The following TRIM62 variants were observed in gnomAD, a reference collection of about 807,000 sequenced individuals.
The protein encoded by TRIM62 is E3 ubiquitin-protein ligase TRIM62.
TRIM62 carries 39 observed loss-of-function variants against 44.2 expected under a neutral mutation model. The ratio of observed to expected loss-of-function variants is 0.88; its 90% CI spans 0.68 to 1.15. The LOEUF (loss-of-function observed/expected upper bound fraction) is 1.15. Ranked by LOEUF, TRIM62 falls within the 50% of genes most tolerant of loss-of-function variation. The probability of loss-of-function intolerance (pLI) is 0.00; values close to 1 mark genes in which losing one functional copy is unlikely to be tolerated. For synonymous variants in TRIM62, 278 were observed against 292.3 expected (o/e 0.95, Z 0.50); for missense variants, 544 against 665.5 (o/e 0.82, Z 2.01).
At position 33,159,566 on chromosome 1, in the gene TRIM62, T is replaced by C. The variant is rs1285661142; in HGVS notation, c.761+122A>G. The C allele has an allele frequency of 5.1e-6, 7 of 1,368,046 alleles. No individual in the cohort carries two copies. Among genetic ancestry groups the C allele is most frequent in the Non-Finnish European group, 6.8e-6 (7 of 1,031,832 alleles). 84.7% of individuals were successfully genotyped at this position (1,368,046 alleles called of 1,614,324 possible). A position where few individuals can be genotyped will look rare whatever the true frequency, so the allele number is the denominator to read the frequency against. On this transcript the variant is annotated intron_variant, in intron 3 of 4. Coordinates refer to ENST00000291416, the MANE Select transcript of TRIM62 (RefSeq NM_018207.3). This position sits in a 1 kb window ranked among gnomAD's most constrained non-coding sequence, Gnocchi z 4.2. ...CCCATAGCAGATGTCCCGTAAATGT[T>C]TGATGAAGATTTGAATGAAAGAATT...
chr1:33,150,290 A>G (rs1489288487), intron 4 of TRIM62, among the ~76,000 whole-genome samples: 1 of 151,890 alleles, frequency 6.6e-6, no homozygotes, highest in Non-Finnish European at 1.5e-5. Flanking sequence ...TGGCTGGAGC[A>G]TTCTCCCTAC....
chr1:33,156,632 C>T (rs1645182890), intron 4 of TRIM62, among the ~76,000 whole-genome samples: 1 of 152,160 alleles, frequency 6.6e-6, no homozygotes, highest in Non-Finnish European at 1.5e-5. Context: ...TTTCTATCCG[C>T]CCCCACTTCC....
intron 1 of TRIM62, among the ~76,000 whole-genome samples, chr1:33,180,170 C>T (rs1645449850): frequency 6.6e-6 from 1 of 152,128 alleles, no homozygotes; most frequent in Non-Finnish European, 1.5e-5. Flanking sequence ...TACCGTTTCA[C>T]TTAGTCTTCA....
chr1:33,181,326 G>A lies in TRIM62; in HGVS notation c.107C>T (p.Thr36Met). 6.4e-7 allele frequency: 1 copy of A among 1,574,798 alleles called. No homozygotes were observed. Among genetic ancestry groups the A allele is most frequent in the African/African-American group, 1.3e-5 (1 of 74,480 alleles). ...CGCCTCCTGCCGCACCCAGTGCTCC[G>A]TGATGCAGCGGCGGCAGAAGTAATG... The part of the protein sequence containing the change: ...CEHYFCRRCI[T>M]EHWVRQEAQG... The change falls in exon 1 of 5, where the codon ACG becomes ATG. Residue 36 changes from threonine to methionine, a missense_variant. Transcript: ENST00000291416. The surrounding 1 kb of genome is among the most constrained non-coding windows in gnomAD (Gnocchi z 6.5).
intron 1 of TRIM62, among the ~76,000 whole-genome samples, chr1:33,170,305 C>T (rs893609245): frequency 5.5e-5 from 7 of 127,920 alleles, no homozygotes; most frequent in Non-Finnish European, 1.1e-4. Context: ...GCCTGGGTGA[C>T]ACAGCCCAGT....
intron 1 of TRIM62, chr1:33,166,399 TG>T (rs1557758932): frequency 6.6e-6 from 1 of 151,998 alleles, no homozygotes; most frequent in Non-Finnish European, 1.5e-5. Context: ...CTAAAAAGGT[TG>T]GGGACCACTG....
intron 4 of TRIM62, among the ~76,000 whole-genome samples, chr1:33,152,580 A>G (rs1274498552): frequency 2.0e-5 from 3 of 152,068 alleles, no homozygotes; most frequent in Non-Finnish European, 4.4e-5. Flanking sequence ...AAAGAAAAAA[A>G]AAAAAAAAAA....
Position 33,155,408 on chromosome 1 carries a change from T to C in TRIM62, c.877+2845A>G, listed in dbSNP as rs115019057. 9.4e-3 allele frequency among the ~76,000 whole-genome samples: 1,436 copies of C among 152,076 alleles called. 22 individuals carry two copies. Among genetic ancestry groups the C allele is most frequent in the African/African-American group, 0.033 (1,361 of 41,480 alleles). Reference sequence around the variant, plus strand: ...TGAACGTGCCTTGAGGGACTTTTGATGTTTGTGGAACAGAAGAATGAATCC... The same window carrying C: ...TGAACGTGCCTTGAGGGACTTTTGACGTTTGTGGAACAGAAGAATGAATCC... On this transcript the variant is annotated intron_variant, in intron 4 of 4. Coordinates refer to ENST00000291416, the MANE Select transcript of TRIM62 (RefSeq NM_018207.3).
At chr1:33,160,012 G>A in intron 2 of TRIM62, 68 bp from the exon 3 acceptor site, 1 of 1,561,780 alleles carries the variant, frequency 6.4e-7, no homozygotes, top group Non-Finnish European at 8.7e-7. Flanking sequence ...GTGAGAGGAG[G>A]AAATCGAGAG....
rs2047438 is a variant in TRIM62, at chr1:33,177,076, C to T, written c.408+3949G>A. On this transcript the variant is annotated intron_variant, in intron 1 of 4. Coordinates refer to ENST00000291416, the MANE Select transcript of TRIM62 (RefSeq NM_018207.3). This position sits in a 1 kb window ranked among gnomAD's most constrained non-coding sequence, Gnocchi z 4.1. ...GCACACACACACACATGCACACACA[C>T]ACATGCATGCACAAATGCACACACA... is the stretch of plus-strand genomic sequence containing the variant. Among the ~76,000 whole-genome samples the T allele has an allele frequency of 7.9e-6, 1 of 125,816 alleles. No homozygotes were observed. Among genetic ancestry groups the T allele is most frequent in the Non-Finnish European group, 1.7e-5 (1 of 58,654 alleles). The allele number at this position is 125,816 out of a possible 152,430, so 82.5% of individuals were successfully genotyped here.
intron 4 of TRIM62, among the ~76,000 whole-genome samples, chr1:33,157,552 C>T: frequency 6.7e-6 from 1 of 149,598 alleles, no homozygotes; most frequent in East Asian, 1.9e-4. Flanking sequence ...TGTCTACTTT[C>T]TATCTCACAC....
intron 4 of TRIM62, among the ~76,000 whole-genome samples, chr1:33,153,324 GGCA>G (rs1444839568): frequency 6.6e-6 from 1 of 152,238 alleles, no homozygotes; most frequent in African/African-American, 2.4e-5. Flanking sequence ...CTCTGCTCTG[GGCA>G]GGATGTTGGA....
At position 33,146,346 on chromosome 1, in the gene TRIM62, C is replaced by T. The variant is rs1645021414; in HGVS notation, c.*831G>A. The T allele has an allele frequency of 5.9e-6, 1 of 168,794 alleles. No individual in the cohort carries two copies. The highest frequency in any genetic ancestry group is 2.4e-5 in the African/African-American group (1 of 41,704). The allele number at this position is 168,794 out of a possible 1,614,324, so 10.5% of individuals were successfully genotyped here. A position where few individuals can be genotyped will look rare whatever the true frequency, so the allele number is the denominator to read the frequency against. ...AATTACAACAACTGCTTCTGGAAGCCTCCTGCACCCTAGCAGGTCACAGAG... is the reference window on the plus strand; with the variant it reads ...AATTACAACAACTGCTTCTGGAAGCTTCCTGCACCCTAGCAGGTCACAGAG... On this transcript the variant is annotated 3_prime_UTR_variant, in exon 5 of 5. Coordinates refer to ENST00000291416, the MANE Select transcript of TRIM62 (RefSeq NM_018207.3).
intron 4 of TRIM62, among the ~76,000 whole-genome samples, chr1:33,151,215 GC>G (rs1645092763): frequency 6.6e-6 from 1 of 152,140 alleles, no homozygotes; most frequent in Admixed American, 6.5e-5. Flanking sequence ...GTGAATGCCA[GC>G]CCTGGCGAGC....
chr1:33,166,602 G>T (rs1012040119), intron 1 of TRIM62, among the ~76,000 whole-genome samples: 7 of 152,150 alleles, frequency 4.6e-5, no homozygotes, highest in Admixed American at 2.0e-4. Flanking sequence ...GAGAGGTCAA[G>T]AAACTGGCCC....
At chr1:33,169,619 A>G (rs1264428215) in intron 1 of TRIM62, among the ~76,000 whole-genome samples, 1 of 152,166 alleles carries the variant, frequency 6.6e-6, no homozygotes, top group African/African-American at 2.4e-5. Flanking sequence ...TCAAGGCTCT[A>G]CTGCTGGCCC....
chr1:33,170,746 G>C (rs937655838), intron 1 of TRIM62, among the ~76,000 whole-genome samples: 1 of 152,140 alleles, frequency 6.6e-6, no homozygotes, highest in Non-Finnish European at 1.5e-5. Context: ...CTCCTTCCTT[G>C]GTTAGAAGAC....
chr1:33,165,368 A>C lies in TRIM62; in HGVS notation c.504+103T>G. ...TTTGGCTCCTTGAAGCCAGGTTTCC[A>C]CCGCACACCCGAGGCCCCGCCCCTC... is the stretch of plus-strand genomic sequence containing the variant. On this transcript the variant is annotated intron_variant, in intron 2 of 4. Coordinates refer to ENST00000291416, the MANE Select transcript of TRIM62 (RefSeq NM_018207.3). This position sits in a 1 kb window ranked among gnomAD's most constrained non-coding sequence, Gnocchi z 4.0. The C allele has an allele frequency of 9.0e-7, 1 of 1,113,780 alleles. No homozygotes were observed. The highest frequency in any genetic ancestry group is 1.3e-6 in the Non-Finnish European group (1 of 795,630). 69.0% of individuals were successfully genotyped at this position (1,113,780 alleles called of 1,614,324 possible).
intron 1 of TRIM62, among the ~76,000 whole-genome samples, chr1:33,170,910 C>T (rs1007443470): frequency 6.6e-6 from 1 of 152,190 alleles, no homozygotes; most frequent in African/African-American, 2.4e-5. Flanking sequence ...TCACAGGGCA[C>T]AGAGCCTGGC....
Sources: allele counts gnomAD v4.1 joint callset (sites outside exome capture counted in the v4.1 genomes callset), GRCh38; gene constraint gnomAD v4.1.1; non-coding constraint Gnocchi (gnomAD v3.1); transcripts MANE v1.5; gene names NCBI Gene and HGNC (gene_info 2026-07-23, HGNC 2026-07-21).